The following ATXN7L1 variants were observed in gnomAD, a reference collection of about 807,000 sequenced individuals.
ATXN7L1 encodes ataxin-7-like protein 1.
Under a neutral mutation model 70.8 loss-of-function variants are expected in ATXN7L1, and 15 were observed. That is an observed-to-expected ratio of 0.21 (90% CI 0.14 to 0.33). The LOEUF (loss-of-function observed/expected upper bound fraction) is 0.33, where lower values mean the gene tolerates loss of function less well. ATXN7L1 is among the 10% of genes least tolerant of loss of function. The pLI, the probability that ATXN7L1 is intolerant of heterozygous loss-of-function variation, is 1.00. For synonymous variants in ATXN7L1, 440 were observed against 445.1 expected (o/e 0.99, Z 0.14); for missense variants, 975 against 1,097.1 (o/e 0.89, Z 1.57).
Position 105,711,546 on chromosome 7 carries a change from T to C in ATXN7L1, c.356-46258A>G, listed in dbSNP as rs149269569. Among the ~76,000 whole-genome samples, 79 of 152,366 alleles carry C rather than the reference T, an allele frequency of 5.2e-4. 4 individuals carry two copies. The East Asian group carries it at 0.015, about 29-fold the overall frequency. On this transcript the variant is annotated intron_variant, in intron 3 of 11. Coordinates refer to ENST00000419735, the MANE Select transcript of ATXN7L1 (RefSeq NM_020725.2). ...CAAAACAAAGGGGCAACAGGCCCCATGCAAGTTTGAAACCTAGTAGGGCAG... is the reference window on the plus strand; with the variant it reads ...CAAAACAAAGGGGCAACAGGCCCCACGCAAGTTTGAAACCTAGTAGGGCAG...
chr7:105,750,318 C>T (rs922115125), intron 3 of ATXN7L1, among the ~76,000 whole-genome samples: 1 of 151,008 alleles, frequency 6.6e-6, no homozygotes, highest in South Asian at 2.1e-4. Context: ...CACTCTATTG[C>T]CCGGGCTGAG....
At chr7:105,612,214 G>A (rs967354158) in intron 10 of ATXN7L1, among the ~76,000 whole-genome samples, 1 of 152,212 alleles carries the variant, frequency 6.6e-6, no homozygotes, top group Non-Finnish European at 1.5e-5. Flanking sequence ...CTACTGCTTC[G>A]CTGTGTGATT....
intron 2 of ATXN7L1, among the ~76,000 whole-genome samples, chr7:105,860,062 T>A (rs1816340633): frequency 6.8e-6 from 1 of 147,656 alleles, no homozygotes; most frequent in Non-Finnish European, 1.5e-5. Context: ...ATTACAGGCA[T>A]GAGTCACGAT....
chr7:105,627,118 C>T (rs1795818645), intron 7 of ATXN7L1, among the ~76,000 whole-genome samples: 1 of 152,178 alleles, frequency 6.6e-6, no homozygotes, highest in African/African-American at 2.4e-5. Context: ...CTATGAAGCC[C>T]TCTCCATCAT....
At chr7:105,831,190 A>C (rs908580496) in intron 2 of ATXN7L1, among the ~76,000 whole-genome samples, 2 of 152,212 alleles carry the variant, frequency 1.3e-5, no homozygotes, top group African/African-American at 4.8e-5. Context: ...ACCCTGCCTG[A>C]CCAATGCATG....
chr7:105,767,000 G>T (rs1273556071), intron 3 of ATXN7L1, among the ~76,000 whole-genome samples: 1 of 152,214 alleles, frequency 6.6e-6, no homozygotes, highest in Non-Finnish European at 1.5e-5. Flanking sequence ...GCAGAGAGCA[G>T]ATCTGCCCAC....
chr7:105,645,749 CT>C (rs1169357544), intron 4 of ATXN7L1, among the ~76,000 whole-genome samples: 2 of 150,814 alleles, frequency 1.3e-5, no homozygotes, highest in Non-Finnish European at 3.0e-5. Flanking sequence ...GGAGGCAGAG[CT>C]TACAGTGAGC....
At chr7:105,623,638 A>G (rs1795250053) in intron 8 of ATXN7L1, among the ~76,000 whole-genome samples, 1 of 152,158 alleles carries the variant, frequency 6.6e-6, no homozygotes, top group Non-Finnish European at 1.5e-5. Context: ...AATACCAACA[A>G]GGGCTGGCCC....
intron 2 of ATXN7L1, among the ~76,000 whole-genome samples, chr7:105,821,290 C>T (rs1306314135): frequency 6.6e-6 from 1 of 152,212 alleles, no homozygotes; most frequent in African/African-American, 2.4e-5. Flanking sequence ...CCACCTGCCT[C>T]AGCCTCCCAA....
At chr7:105,693,522 TAAATC>T (rs999434727) in intron 3 of ATXN7L1, among the ~76,000 whole-genome samples, 4 of 150,664 alleles carry the variant, frequency 2.7e-5, no homozygotes, top group African/African-American at 9.8e-5. Flanking sequence ...TGGGTGGACT[TAAATC>T]TAATGCCCCA....
intron 2 of ATXN7L1, among the ~76,000 whole-genome samples, chr7:105,854,338 T>C (rs1371411576): frequency 6.6e-6 from 1 of 152,030 alleles, no homozygotes; most frequent in Non-Finnish European, 1.5e-5. Context: ...GAAGTGGGCC[T>C]TTCTTGGGAC....
chr7:105,654,423 G>T (rs529278074), intron 4 of ATXN7L1, among the ~76,000 whole-genome samples: 10 of 152,358 alleles, frequency 6.6e-5, no homozygotes, highest in African/African-American at 2.4e-4. Flanking sequence ...GCTGAGAAAG[G>T]CTTGCCCCAG....
Position 105,799,113 on chromosome 7 carries a change from C to T in ATXN7L1, c.251-10405G>A, listed in dbSNP as rs113212137. Among the ~76,000 whole-genome samples, 447 of 152,346 alleles carry T rather than the reference C, an allele frequency of 2.9e-3. 4 individuals carry two copies. Among genetic ancestry groups the T allele is most frequent in the African/African-American group, 0.01 (419 of 41,578 alleles). On this transcript the variant is annotated intron_variant, in intron 2 of 11. Transcript: ENST00000419735. Reference sequence around the variant, plus strand: ...ATTCTGAGAGATTTCTTGGATAACACGTTGCAGGACTACACTGGAAGAGAG... The same window carrying T: ...ATTCTGAGAGATTTCTTGGATAACATGTTGCAGGACTACACTGGAAGAGAG...
At chr7:105,708,026 A>C (rs1434639082) in intron 3 of ATXN7L1, among the ~76,000 whole-genome samples, 3 of 152,270 alleles carry the variant, frequency 2.0e-5, no homozygotes, top group African/African-American at 7.2e-5. Context: ...AATAAAGCAA[A>C]GAAATAAAAT....
At chr7:105,622,437 G>C (rs769298683) in intron 8 of ATXN7L1, among the ~76,000 whole-genome samples, 2 of 152,188 alleles carry the variant, frequency 1.3e-5, no homozygotes, top group African/African-American at 4.8e-5. Context: ...TCCAGTTCCC[G>C]GCTGGCATGT....
intron 3 of ATXN7L1, among the ~76,000 whole-genome samples, chr7:105,674,222 G>A (rs1804251047): frequency 6.6e-6 from 1 of 152,178 alleles, no homozygotes; most frequent in Non-Finnish European, 1.5e-5. Flanking sequence ...GTGTGGGCCT[G>A]TGGTCTACAC....
chr7:105,628,176 G>A (rs947992534), intron 7 of ATXN7L1, among the ~76,000 whole-genome samples: 15 of 152,212 alleles, frequency 9.9e-5, no homozygotes, highest in African/African-American at 3.6e-4. Context: ...TTTGGAAGGC[G>A]TCTGAGGTGA....
chr7:105,718,490 C>T (rs1419682958), intron 3 of ATXN7L1, among the ~76,000 whole-genome samples: 2 of 152,208 alleles, frequency 1.3e-5, no homozygotes, highest in African/African-American at 4.8e-5. Flanking sequence ...ACTCACTGTT[C>T]CAAAGAGGCA....
chr7:105,748,682 G>T (rs973722166), intron 3 of ATXN7L1, among the ~76,000 whole-genome samples: 1 of 152,088 alleles, frequency 6.6e-6, no homozygotes, highest in African/African-American at 2.4e-5. Context: ...TCTCCCTCAG[G>T]CCTGAGGCTT....
Sources: gnomAD v4.1 joint callset for allele counts (sites outside exome capture counted in the v4.1 genomes callset) on GRCh38, gnomAD v4.1.1 for gene constraint, MANE v1.5 for transcripts, NCBI Gene and HGNC (gene_info 2026-07-23, HGNC 2026-07-21) for gene names.